TRO: variants seen among roughly 807,000 people sequenced by gnomAD.
The protein encoded by TRO is trophinin, also known as MAGE superfamily protein.
Under a neutral mutation model 42.3 loss-of-function variants are expected in TRO, and 29 were observed. The observed-to-expected ratio is 0.68, with a 90% CI of 0.51 to 0.93. The LOEUF (loss-of-function observed/expected upper bound fraction) is 0.93. Ranked by LOEUF, TRO falls within the 40% of genes least tolerant of loss-of-function variation. The pLI is 0.00. For missense variants in TRO, 963 were observed against 1,127.7 expected, an observed-to-expected ratio of 0.85 and a Z score of 2.09; for synonymous variants, 384 against 425.2, an observed-to-expected ratio of 0.90 and a Z score of 1.19.
chrX:54,922,455 T>C, intron 2 of TRO, 123 bp from the exon 3 acceptor site: 1 of 908,983 alleles, frequency 1.1e-6, no homozygotes, highest in Non-Finnish European at 1.5e-6. Flanking sequence ...CTGACTCTAT[T>C]CCTTCCTTGC....
In TRO at chrX:54,923,351, G is replaced by A. The variant is rs1314514713; in HGVS notation, c.819G>A (p.Glu273=). ...TIAKVINTDT[E]HIEALNVTDA... ...CTAAGGTCATAAATACTGACACTGA[G>A]CATATAGAGGCTCTAAATGTCACTG... Residue 273 remains glutamate, a synonymous_variant, in exon 3 of 13, where the codon GAG becomes GAA. Transcript: ENST00000173898. The A allele has an allele frequency of 8.3e-7, 1 of 1,208,474 alleles. No individual in the cohort carries two copies.
Position 54,923,768 on chromosome X carries a change from G to C in TRO, c.1236G>C (p.Lys412Asn). Residue 412 changes from lysine to asparagine, a missense_variant and splice_region_variant, in exon 3 of 13, where the codon AAG (lysine) becomes AAC (asparagine). Around this residue, in one of 2 missense-constraint regions of TRO, gnomAD observed 322 missense variants for 316.5 expected, o/e 1.02. Transcript: ENST00000173898. ...GGACCCGGGGCAAAAGAAACCGAAA[G>C]GTGAGATCTCTGACATTGCCATCCT... ...TTRTRGKRNR[K>N]SKHLNGDERS... 1.7e-6 allele frequency: 2 copies of C among 1,193,973 alleles called. No homozygotes were observed. Among genetic ancestry groups the C allele is most frequent in the Non-Finnish European group, 2.3e-6 (2 of 886,979 alleles).
chrX:54,930,689 G>T lies in TRO; in HGVS notation c.3965G>T (p.Arg1322Met). The change falls in exon 12 of 13, where the codon AGG becomes ATG. Residue 1322 changes from arginine to methionine, a missense_variant. Around this residue, in one of 2 missense-constraint regions of TRO, gnomAD observed 641 missense variants for 811.3 expected, o/e 0.79. Coordinates refer to ENST00000173898, the MANE Select transcript of TRO (RefSeq NM_001039705.3). ...AGCACCAGCGATGGCTTTGGCAGTA[G>T]GCCTAATGCCAGCTTCGACAGAGGA... Reference protein sequence around the residue: ...GLSTSDGFGSRPNASFDRGLS... With the variant: ...GLSTSDGFGSMPNASFDRGLS... The T allele has an allele frequency of 8.2e-7, 1 of 1,212,157 alleles. No homozygotes were observed. The highest frequency in any genetic ancestry group is 1.1e-6 in the Non-Finnish European group (1 of 895,520).
chrX:54,927,016 T>A (rs1932788871), intron 9 of TRO, 27 bp from the exon 10 acceptor site: 1 of 1,208,260 alleles, frequency 8.3e-7, no homozygotes, highest in Non-Finnish European at 1.1e-6. Context: ...CTGATCTGTG[T>A]TCATGGGTTA....
Position 54,925,601 on chromosome X carries a change from G to C in TRO, c.1495G>C (p.Val499Leu), listed in dbSNP as rs928962119. ...ASYTLEKMFR[V>L]NLKEIDKQSS... ...TTCTTTTACTTGGCAGATGTTTCGA[G>C]TCAATCTGAAAGAAATTGATAAGCA... The change falls in exon 7 of 13, where the codon GTC becomes CTC. Residue 499 changes from valine to leucine, a missense_variant. Val to Leu is a conservative substitution (Grantham distance 32). Coordinates refer to ENST00000173898, the MANE Select transcript of TRO (RefSeq NM_001039705.3). 8.3e-7 allele frequency: 1 copy of C among 1,207,825 alleles called. No homozygotes were observed. Among genetic ancestry groups the C allele is most frequent in the Non-Finnish European group, 1.1e-6 (1 of 893,687 alleles).
chrX:54,927,928 C>T, intron 11 of TRO, 147 bp downstream of exon 11: 1 of 441,746 alleles, frequency 2.3e-6, no homozygotes, highest in Non-Finnish European at 3.9e-6. Flanking sequence ...CAGGGTGCTG[C>T]TAGATATATA....
At chrX:54,924,800 A>G in intron 5 of TRO, 67 bp downstream of exon 5, 1 of 1,104,506 alleles carries the variant, frequency 9.1e-7, no homozygotes, top group Non-Finnish European at 1.2e-6. Flanking sequence ...ATAGTCTGGG[A>G]GTAACACTTT....
At chrX:54,931,088 ATGT>A (rs2146576073) in intron 12 of TRO, 57 bp downstream of exon 12, 1 of 1,173,097 alleles carries the variant, frequency 8.5e-7, no homozygotes, top group South Asian at 2.0e-5. Context: ...GAGCTGGGAG[ATGT>A]TGTAAGAAAC....
At position 54,928,854 on chromosome X, in the gene TRO, A is replaced by T; in HGVS notation, c.2130A>T (p.Arg710Ser). The T allele has an allele frequency of 1.7e-6, 2 of 1,211,896 alleles. No individual in the cohort carries two copies. Among genetic ancestry groups the T allele is most frequent in the Admixed American group, 2.2e-5 (1 of 46,059 alleles). Residue 710 changes from arginine (R) to serine (S), a missense_variant, in exon 12 of 13, where the codon AGA (arginine) becomes AGT (serine). Around this residue, in one of 2 missense-constraint regions of TRO, gnomAD observed 641 missense variants for 811.3 expected, o/e 0.79. Transcript: ENST00000173898. ...WSRFSFEIEARAQENADASTN... is the reference protein window; with the variant it reads ...WSRFSFEIEASAQENADASTN... ...GATTTTCATTTGAAATTGAGGCCAG[A>T]GCCCAAGAAAATGCAGATGCCAGCA...
chrX:54,931,402 A>G lies in TRO; in HGVS notation c.*210A>G. ...TTTCTGTGTGCTGTCATATTTTGGT[A>G]TCAGAGTTACATTAAATTTGCAAAA... On this transcript the variant is annotated 3_prime_UTR_variant, in exon 13 of 13. Transcript: ENST00000173898. 8.8e-7 allele frequency: 1 copy of G among 1,133,676 alleles called. No individual in the cohort carries two copies. The highest frequency in any genetic ancestry group is 1.2e-6 in the Non-Finnish European group (1 of 830,280). The allele number at this position is 1,133,676 out of a possible 1,213,427, so 93.4% of individuals were successfully genotyped here.
chrX:54,924,539 C>T lies in TRO; in HGVS notation c.1325C>T (p.Ala442Val). ...AGGCCTGCACCACCGCGAGATGTGGCCATTTTACAAGAAAGGGTAAGAATC... is the reference window on the plus strand; with the variant it reads ...AGGCCTGCACCACCGCGAGATGTGGTCATTTTACAAGAAAGGGTAAGAATC... ...GRRPAPPRDV[A>V]ILQERANKLV... The change falls in exon 4 of 13, where the codon GCC becomes GTC. Residue 442 changes from alanine (A) to valine (V), a missense_variant. Coordinates refer to ENST00000173898, the MANE Select transcript of TRO (RefSeq NM_001039705.3). 1 of 1,208,408 alleles carries T rather than the reference C, an allele frequency of 8.3e-7. No individual in the cohort carries two copies. The highest frequency in any genetic ancestry group is 3.0e-5 in the East Asian group (1 of 33,798).
intron 3 of TRO, 198 bp from the exon 4 acceptor site, chrX:54,924,253 G>A (rs1932486075): frequency 4.9e-6 from 2 of 407,289 alleles, no homozygotes; most frequent in South Asian, 5.0e-5. Flanking sequence ...GCAGAGGAAC[G>A]AAACTCCTTC....
rs761128733 is a variant in TRO at position 54,929,225 on chromosome X, C to G, written c.2501C>G (p.Pro834Arg). 1.7e-6 allele frequency: 2 copies of G among 1,212,041 alleles called. No individual in the cohort carries two copies. The highest frequency in any genetic ancestry group is 2.2e-6 in the Non-Finnish European group (2 of 895,526). ...GGAGTCAGCTCTAGTTTTAGTGGCC[C>G]ACTCAGCACCAGTGCCACTTTCAGT... ...SGGVSSSFSGPLSTSATFSGG... is the reference protein window; with the variant it reads ...SGGVSSSFSGRLSTSATFSGG... Residue 834 changes from proline to arginine, a missense_variant, in exon 12 of 13, where the codon CCA becomes CGA. Transcript: ENST00000173898.
rs1932864878 is a variant in TRO, at chrX:54,928,772, T to C, written c.2048T>C (p.Met683Thr). Residue 683 changes from methionine to threonine, a missense_variant, in exon 12 of 13, where the codon ATG becomes ACG. Transcript: ENST00000173898. ...GCTGGGCCCTGGAATTGGGATGACATGGATATCGACTGCCTAACAAGGGAA... is the reference window on the plus strand; with the variant it reads ...GCTGGGCCCTGGAATTGGGATGACACGGATATCGACTGCCTAACAAGGGAA... Reference protein sequence around the residue: ...AVAGPWNWDDMDIDCLTREEL... With the variant: ...AVAGPWNWDDTDIDCLTREEL... 3 of 1,210,241 alleles carry C rather than the reference T, an allele frequency of 2.5e-6. No homozygotes were observed. Among genetic ancestry groups the C allele is most frequent in the Non-Finnish European group, 3.4e-6 (3 of 894,792 alleles).
rs1033054701 is a variant in TRO at position 54,930,392 on chromosome X, T to G, written c.3668T>G (p.Leu1223Arg). Residue 1223 changes from leucine to arginine, a missense_variant, in exon 12 of 13, where the codon CTA becomes CGA. By Grantham distance (102) the Leu-to-Arg change is moderately radical. This residue lies in a region of TRO where 641 missense variants were observed against 811.3 expected (regional missense o/e 0.79). Transcript: ENST00000173898. ...ACCAGTGCTGGCTTTGGTGGTGGCC[T>G]AGGCACCAGTGCTGGCTTCAGTGGT... ...LNTSAGFGGG[L>R]GTSAGFSGGL... 3.9e-5 allele frequency: 47 copies of G among 1,210,372 alleles called. No homozygotes were observed. The highest frequency in any genetic ancestry group is 5.3e-5 in the Non-Finnish European group (47 of 895,140).
chrX:54,924,623 T>C (rs1932532033), intron 4 of TRO, 47 bp from the exon 5 acceptor site: 1 of 1,202,463 alleles, frequency 8.3e-7, no homozygotes, highest in African/African-American at 1.8e-5. Context: ...CCTTCCAAGT[T>C]TTCTGCAAGC....
Position 54,930,782 on chromosome X carries a change from C to T in TRO, c.4058C>T (p.Thr1353Ile), listed in dbSNP as rs1933099624. 3.3e-6 allele frequency: 4 copies of T among 1,211,096 alleles called. No homozygotes were observed. Among genetic ancestry groups the T allele is most frequent in the Admixed American group, 4.4e-5 (2 of 45,912 alleles). ...TSTGFTGEPS[T>I]STGFSSGPSS... is the part of the protein sequence containing the mutation. The stretch of plus-strand genomic sequence containing the variant: ...ACTGGCTTTACTGGCGAACCCAGCA[C>T]CAGCACGGGCTTCAGTAGTGGACCC... The change falls in exon 12 of 13, where the codon ACC becomes ATC. Residue 1353 changes from threonine to isoleucine, a missense_variant. Physicochemically the swap from Thr to Ile is moderately conservative, Grantham distance 89. Around this residue, in one of 2 missense-constraint regions of TRO, gnomAD observed 641 missense variants for 811.3 expected, o/e 0.79. Transcript: ENST00000173898.
chrX:54,925,229 G>A, intron 6 of TRO, among the ~76,000 whole-genome samples, 161 bp downstream of exon 6: 1 of 111,549 alleles, frequency 9.0e-6, no homozygotes, highest in South Asian at 3.8e-4. Flanking sequence ...GATTTGCCAT[G>A]GGTCACACAG....
chrX:54,927,301 C>T lies in TRO; in HGVS notation c.1763+196C>T, dbSNP rs1932800063. 5 of 508,152 alleles carry T rather than the reference C, an allele frequency of 9.8e-6. No individual in the cohort carries two copies. The Admixed American group carries it at 1.5e-4, about 15-fold the overall frequency. 41.9% of individuals were successfully genotyped at this position (508,152 alleles called of 1,213,427 possible). ...GGCCAGACTCAACACAAGGCCCTTG[C>T]AGTGGGGTGCGCTCAGAGCAGAGGG... On this transcript the variant is annotated intron_variant, in intron 10 of 12. Transcript: ENST00000173898.
Sources: allele counts gnomAD v4.1 joint callset (sites outside exome capture counted in the v4.1 genomes callset), GRCh38; gene constraint gnomAD v4.1.1; regional missense constraint gnomAD v4.1.1; transcripts MANE v1.5; gene names NCBI Gene and HGNC (gene_info 2026-07-23, HGNC 2026-07-21).